Variants in NDUFS4 observed in about 807,000 individuals in gnomAD.
The protein encoded by NDUFS4 is NADH dehydrogenase [ubiquinone] iron-sulfur protein 4, mitochondrial.
Under a neutral mutation model 24.3 loss-of-function variants are expected in NDUFS4, and 28 were observed. That is an observed-to-expected ratio of 1.15 (90% CI 0.85 to 1.58). NDUFS4 has a LOEUF of 1.58. NDUFS4 is among the 40% of genes most tolerant of loss of function. The pLI, the probability that NDUFS4 is intolerant of heterozygous loss-of-function variation, is 0.00. For synonymous variants in NDUFS4, 93 were observed against 69.7 expected, an observed-to-expected ratio of 1.34 and a Z score of -1.67; for missense variants, 223 against 207.9, an observed-to-expected ratio of 1.07 and a Z score of -0.45.
intron 1 of NDUFS4, among the ~76,000 whole-genome samples, chr5:53,595,579 T>A (rs911458055): frequency 1.3e-5 from 2 of 152,226 alleles, no homozygotes; most frequent in African/African-American, 4.8e-5. Flanking sequence ...GATAACCTGT[T>A]GCTATAAATG....
intron 1 of NDUFS4, among the ~76,000 whole-genome samples, chr5:53,567,718 T>C (rs1579815861): frequency 1.3e-5 from 2 of 152,180 alleles, no homozygotes; most frequent in Non-Finnish European, 2.9e-5. Context: ...TGCTTCCCTT[T>C]AGCAGTTTTA....
chr5:53,626,434 T>C (rs572853286), intron 2 of NDUFS4, among the ~76,000 whole-genome samples: 14 of 152,246 alleles, frequency 9.2e-5, no homozygotes, highest in African/African-American at 3.4e-4. Flanking sequence ...TTTCTAGTTC[T>C]AGATCCTTGA....
chr5:53,599,294 G>C (rs1750237085), intron 1 of NDUFS4, among the ~76,000 whole-genome samples: 1 of 152,070 alleles, frequency 6.6e-6, no homozygotes, highest in African/African-American at 2.4e-5. Flanking sequence ...CTCAGTAATG[G>C]AATTGTTGGA....
At chr5:53,599,601 T>C (rs1750247024) in intron 1 of NDUFS4, among the ~76,000 whole-genome samples, 1 of 152,146 alleles carries the variant, frequency 6.6e-6, no homozygotes. Context: ...TTGGGTTGTT[T>C]TGTTGCTGTT....
intron 4 of NDUFS4, among the ~76,000 whole-genome samples, chr5:53,678,419 A>C (rs1245873956): frequency 6.6e-6 from 1 of 152,132 alleles, no homozygotes; most frequent in African/African-American, 2.4e-5. Context: ...TCCTCTAGAA[A>C]GTGACGGCAG....
In NDUFS4 at chr5:53,658,760, T is replaced by C. The variant is rs534913432; in HGVS notation, c.424+136T>C. 6 of 405,748 alleles carry C rather than the reference T, an allele frequency of 1.5e-5. No homozygotes were observed. The African/African-American group carries it at 1.6e-4, about 11-fold the overall frequency. 25.1% of individuals were successfully genotyped at this position (405,748 alleles called of 1,614,324 possible). On this transcript the variant is annotated intron_variant, in intron 4 of 4. Transcript: ENST00000296684. ...TATCTAATCCAGTGGTTTCAGACTT[T>C]AACTACATCAGAACACCCACCTCCA...
At chr5:53,667,785 AG>A (rs1338710732) in intron 4 of NDUFS4, among the ~76,000 whole-genome samples, 1 of 152,212 alleles carries the variant, frequency 6.6e-6, no homozygotes, top group Non-Finnish European at 1.5e-5. Context: ...TCTACATCAC[AG>A]GAGAACTTGA....
At chr5:53,570,975 C>A (rs1470613173) in intron 1 of NDUFS4, among the ~76,000 whole-genome samples, 1 of 151,954 alleles carries the variant, frequency 6.6e-6, no homozygotes, top group Non-Finnish European at 1.5e-5. Context: ...TGAGCCACGG[C>A]GCCCGGCTGT....
chr5:53,670,534 ATT>A (rs1752635774), intron 4 of NDUFS4, among the ~76,000 whole-genome samples: 1 of 117,852 alleles, frequency 8.5e-6, no homozygotes, highest in African/African-American at 4.4e-5. Flanking sequence ...ATTTCCTTTT[ATT>A]TAATGTGGCT....
chr5:53,595,543 A>C (rs543416001), intron 1 of NDUFS4, among the ~76,000 whole-genome samples: 1 of 151,932 alleles, frequency 6.6e-6, no homozygotes, highest in South Asian at 2.1e-4. Context: ...TTTATTTCTT[A>C]TTCTTCTCTC....
chr5:53,571,177 C>T (rs1561333224), intron 1 of NDUFS4, among the ~76,000 whole-genome samples: 1 of 152,170 alleles, frequency 6.6e-6, no homozygotes. Context: ...TTCCATCACT[C>T]AAACTCTGTA....
intron 1 of NDUFS4, among the ~76,000 whole-genome samples, chr5:53,577,936 A>G (rs535743501): frequency 7.1e-4 from 108 of 152,314 alleles, no homozygotes; most frequent in African/African-American, 2.5e-3. Context: ...CTAATTCTCC[A>G]GATGAGCATG....
At chr5:53,570,906 A>C (rs558588079) in intron 1 of NDUFS4, among the ~76,000 whole-genome samples, 1 of 150,500 alleles carries the variant, frequency 6.6e-6, no homozygotes, top group South Asian at 2.1e-4. Context: ...CTAGTCTCGA[A>C]CTCCTGACCT....
intron 2 of NDUFS4, among the ~76,000 whole-genome samples, chr5:53,614,403 C>A (rs758938598): frequency 2.0e-5 from 3 of 151,824 alleles, no homozygotes; most frequent in Non-Finnish European, 4.4e-5. Flanking sequence ...AGAGAATGAT[C>A]GTTCTATATT....
At chr5:53,577,520 C>A (rs1749425407) in intron 1 of NDUFS4, among the ~76,000 whole-genome samples, 1 of 150,246 alleles carries the variant, frequency 6.7e-6, no homozygotes, top group Non-Finnish European at 1.5e-5. Context: ...GGTCTAATAT[C>A]TATTGTTTAT....
intron 2 of NDUFS4, among the ~76,000 whole-genome samples, chr5:53,627,085 T>A (rs563302148): frequency 9.5e-4 from 144 of 152,306 alleles, no homozygotes; most frequent in Non-Finnish European, 1.6e-3. Flanking sequence ...GGATCCAGTT[T>A]CAGCTTTCTA....
At chr5:53,672,009 T>C (rs145761027) in intron 4 of NDUFS4, among the ~76,000 whole-genome samples, 2 of 152,184 alleles carry the variant, frequency 1.3e-5, no homozygotes, top group East Asian at 1.9e-4. Flanking sequence ...AGTGGGTCTA[T>C]TGGGGTGGAA....
chr5:53,592,257 G>C (rs909496588), intron 1 of NDUFS4, among the ~76,000 whole-genome samples: 2 of 152,026 alleles, frequency 1.3e-5, no homozygotes, highest in African/African-American at 4.8e-5. Context: ...CGGCATTGTT[G>C]AGTTTTAAGA....
At chr5:53,587,533 C>T (rs186683473) in intron 1 of NDUFS4, among the ~76,000 whole-genome samples, 81 of 151,874 alleles carry the variant, frequency 5.3e-4, no homozygotes, top group African/African-American at 1.5e-3. Context: ...TTGATCTAAG[C>T]CATCTGAAAC....
Sources: gnomAD v4.1 joint callset for allele counts (sites outside exome capture counted in the v4.1 genomes callset) on GRCh38, gnomAD v4.1.1 for gene constraint, MANE v1.5 for transcripts, NCBI Gene and HGNC (gene_info 2026-07-23, HGNC 2026-07-21) for gene names.